The following SPAG5 variants were observed in gnomAD, a reference collection of about 807,000 sequenced individuals.
SPAG5 encodes the protein sperm associated antigen 5.
In SPAG5, 99 loss-of-function variants were observed where a neutral mutation model predicts 145.4. The ratio of observed to expected loss-of-function variants is 0.68; its 90% CI spans 0.58 to 0.80. SPAG5 has a LOEUF of 0.80. Among genes scored for constraint, SPAG5 ranks in the 30% least tolerant of loss-of-function variants. The probability of loss-of-function intolerance (pLI) is 0.00; values close to 1 mark genes in which losing one functional copy is unlikely to be tolerated. For synonymous variants in SPAG5, 477 were observed against 525.4 expected, an observed-to-expected ratio of 0.91 and a Z score of 1.26; for missense variants, 1,192 against 1,416.0, an observed-to-expected ratio of 0.84 and a Z score of 2.54.
chr17:28,587,707 G>A (rs2070594992), intron 4 of SPAG5, among the ~76,000 whole-genome samples: 1 of 114,854 alleles, frequency 8.7e-6, no homozygotes, highest in Non-Finnish European at 1.6e-5. Flanking sequence ...AACAGAGTGA[G>A]ACCTCGTCTC....
At chr17:28,584,784 T>C in intron 10 of SPAG5, 39 bp from the exon 11 acceptor site, 1 of 1,443,732 alleles carries the variant, frequency 6.9e-7, no homozygotes, top group Non-Finnish European at 9.8e-7. Context: ...TAGTTCCTCC[T>C]GAATCAATAA....
chr17:28,592,513 G>C lies in SPAG5; in HGVS notation c.731C>G (p.Ser244Cys). Residue 244 changes from serine to cysteine, a missense_variant, in exon 3 of 24, where the codon TCT (serine) becomes TGT (cysteine). By Grantham distance (112) the Ser-to-Cys change is moderately radical (BLOSUM62 -1). Around this residue, in one of 5 missense-constraint regions of SPAG5, gnomAD observed 329 missense variants for 354.0 expected, o/e 0.93. Transcript: ENST00000321765. ...AGTTGAAGGGGAAAGCCAGAGAACA[G>C]AGGAAGGCAAGAAGGCGTTACTTTC... ...PSESNAFLPS[S>C]VLWLSPSTAL... 1 of 1,614,164 alleles carries C rather than the reference G, an allele frequency of 6.2e-7. No homozygotes were observed. Among genetic ancestry groups the C allele is most frequent in the Non-Finnish European group, 8.5e-7 (1 of 1,180,042 alleles).
chr17:28,581,166 C>A (rs2070546913), intron 15 of SPAG5, among the ~76,000 whole-genome samples: 1 of 152,180 alleles, frequency 6.6e-6, no homozygotes, highest in Non-Finnish European at 1.5e-5. Context: ...ATGGCTGTAT[C>A]ATCTATGGCT....
At chr17:28,583,485 G>A in intron 15 of SPAG5, 26 bp downstream of exon 15, 1 of 1,551,858 alleles carries the variant, frequency 6.4e-7, no homozygotes, top group Non-Finnish European at 8.7e-7. Context: ...AATTGGAAGA[G>A]AAGAGAAGGA....
rs1415457840 is a variant in SPAG5 at position 28,598,624 on chromosome 17, A to G, written c.63T>C (p.Ser21=). The G allele has an allele frequency of 5.0e-6, 8 of 1,600,850 alleles. No individual in the cohort carries two copies. Among genetic ancestry groups the G allele is most frequent in the Admixed American group, 1.7e-5 (1 of 57,894 alleles). The change falls in exon 2 of 24, where the codon TCT becomes TCC. Residue 21 remains serine (S), a synonymous_variant. Coordinates refer to ENST00000321765, the MANE Select transcript of SPAG5 (RefSeq NM_006461.4). Reference sequence around the variant, plus strand: ...TAAGTTCACGGAGAGGAGTTCTCATAGATGGTTTTCCCTGAGAAAGAAACC... The same window carrying G: ...TAAGTTCACGGAGAGGAGTTCTCATGGATGGTTTTCCCTGAGAAAGAAACC... ...LSPSPQTGKP[S]MRTPLRELTL...
At position 28,585,646 on chromosome 17, in the gene SPAG5, A is replaced by T; in HGVS notation, c.1748T>A (p.Ile583Lys). 6 of 1,613,678 alleles carry T rather than the reference A, an allele frequency of 3.7e-6. No individual in the cohort carries two copies. Among genetic ancestry groups the T allele is most frequent in the Non-Finnish European group, 5.1e-6 (6 of 1,180,026 alleles). ...GTGTGCACAGAAAGCCTCCAACACT[A>T]TCTCTGCCTATTGAGGGAAGTGGTT... The part of the protein sequence containing the change: ...MALRGKDAAE[I>K]VLEAFCAHAS... Residue 583 changes from isoleucine (I) to lysine (K), a missense_variant, in exon 8 of 24, where the codon ATA becomes AAA. Coordinates refer to ENST00000321765, the MANE Select transcript of SPAG5 (RefSeq NM_006461.4).
Position 28,583,653 on chromosome 17 carries a change from A to G in SPAG5, c.2547-4T>C. 6.3e-7 allele frequency: 1 copy of G among 1,597,146 alleles called. No individual in the cohort carries two copies. Among genetic ancestry groups the G allele is most frequent in the Non-Finnish European group, 8.5e-7 (1 of 1,174,610 alleles). The stretch of plus-strand genomic sequence containing the variant: ...TATGGTGCTGGCCAGTTTAGCCCTG[A>G]AATAAGGAACAGGGAAGATGACCAA... On this transcript the variant is annotated splice_polypyrimidine_tract_variant and splice_region_variant and intron_variant, in intron 14 of 23. Coordinates refer to ENST00000321765, the MANE Select transcript of SPAG5 (RefSeq NM_006461.4).
At chr17:28,581,014 A>G (rs1013917197) in intron 15 of SPAG5, among the ~76,000 whole-genome samples, 4 of 152,182 alleles carry the variant, frequency 2.6e-5, no homozygotes, top group Admixed American at 1.3e-4. Flanking sequence ...GGAACACCCT[A>G]TCAAAAGTCT....
chr17:28,594,503 G>A (rs1394409560), intron 2 of SPAG5, among the ~76,000 whole-genome samples: 1 of 152,160 alleles, frequency 6.6e-6, no homozygotes, highest in Non-Finnish European at 1.5e-5. Context: ...GCTGAGGCAG[G>A]AGAATGGCGT....
chr17:28,587,344 C>T (rs898612109), intron 4 of SPAG5, among the ~76,000 whole-genome samples: 5 of 151,408 alleles, frequency 3.3e-5, no homozygotes, highest in South Asian at 2.1e-4. Flanking sequence ...GTCGGGAGTT[C>T]GAGACCAGCC....
Position 28,585,118 on chromosome 17 carries a change from A to G in SPAG5, c.2051T>C (p.Ile684Thr). 1.2e-6 allele frequency: 2 copies of G among 1,614,176 alleles called. No individual in the cohort carries two copies. The highest frequency in any genetic ancestry group is 1.7e-6 in the Non-Finnish European group (2 of 1,180,010). Residue 684 changes from isoleucine to threonine, a missense_variant, in exon 10 of 24, where the codon ATT (isoleucine) becomes ACT (threonine). By Grantham distance (89) the Ile-to-Thr change is moderately conservative. Coordinates refer to ENST00000321765, the MANE Select transcript of SPAG5 (RefSeq NM_006461.4). Reference protein sequence around the residue: ...QQALQERDVAIEEKQEVSRVL... With the variant: ...QQALQERDVATEEKQEVSRVL... ...GGTTTGTACCTCCTGCTTTTCCTCA[A>G]TTGCCACATCACGTTCCTGCAGGGC...
Position 28,592,176 on chromosome 17 carries a change from C to T in SPAG5, c.1068G>A (p.Leu356=). 1 of 1,614,168 alleles carries T rather than the reference C, an allele frequency of 6.2e-7. No individual in the cohort carries two copies. Among genetic ancestry groups the T allele is most frequent in the Non-Finnish European group, 8.5e-7 (1 of 1,180,034 alleles). Residue 356 remains leucine, a synonymous_variant, in exon 3 of 24, where the codon CTG becomes CTA. Coordinates refer to ENST00000321765, the MANE Select transcript of SPAG5 (RefSeq NM_006461.4). ...GGGATAAGCTTTGGCGGAGATTTTC[C>T]AGCATGACGGAGGTATTTACACCTT... The part of the protein sequence containing the change: ...LEKGVNTSVM[L]ENLRQSLSLP...
intron 1 of SPAG5, 102 bp downstream of exon 1, chr17:28,598,794 C>G: frequency 2.0e-6 from 3 of 1,528,460 alleles, no homozygotes; most frequent in Non-Finnish European, 2.7e-6. Flanking sequence ...CCACAAGCCC[C>G]CAACCCCGGG....
In SPAG5 at chr17:28,585,542, T is replaced by C; in HGVS notation, c.1852A>G (p.Thr618Ala). 1.2e-6 allele frequency: 2 copies of C among 1,614,020 alleles called. No individual in the cohort carries two copies. ...EFRGLLKDAQ[T>A]QLVGLHAKQE... ...AAATGCCCTTAAATTACCAGTTGGG[T>C]CTGGGCATCCTTCAGAAGGCCTCTG... The change falls in exon 8 of 24, where the codon ACC becomes GCC. Residue 618 changes from threonine to alanine, a missense_variant. Coordinates refer to ENST00000321765, the MANE Select transcript of SPAG5 (RefSeq NM_006461.4).
In SPAG5 at chr17:28,578,062, C is replaced by T. The variant is rs372883758; in HGVS notation, c.3458G>A (p.Arg1153His). Residue 1153 changes from arginine (R) to histidine (H), a missense_variant, in exon 23 of 24, where the codon CGC (arginine) becomes CAC (histidine). By Grantham distance (29) the Arg-to-His change is conservative. Coordinates refer to ENST00000321765, the MANE Select transcript of SPAG5 (RefSeq NM_006461.4). ...TAGTTTTTCTAACTCCTTGTCAGAG[C>T]GCCGAAGGTTCTCCTCTAGGATATT... ...HRNILEENLR[R>H]SDKELEKLDD... 1.9e-5 allele frequency: 31 copies of T among 1,613,940 alleles called. No homozygotes were observed. Among genetic ancestry groups the T allele is most frequent in the African/African-American group, 2.7e-5 (2 of 74,886 alleles).
chr17:28,580,132 G>T lies in SPAG5; in HGVS notation c.2686-12C>A. On this transcript the variant is annotated splice_polypyrimidine_tract_variant and intron_variant, in intron 15 of 23. Transcript: ENST00000321765. Reference sequence around the variant, plus strand: ...GTCTCTTGTTCAGTCTAAGGGCAAAGAAGAAAAAATAGCTGCTGTTCAGGT... The same window carrying T: ...GTCTCTTGTTCAGTCTAAGGGCAAATAAGAAAAAATAGCTGCTGTTCAGGT... 1 of 1,592,370 alleles carries T rather than the reference G, an allele frequency of 6.3e-7. No homozygotes were observed. The highest frequency in any genetic ancestry group is 1.1e-5 in the South Asian group (1 of 89,296).
chr17:28,580,007 A>G lies in SPAG5; in HGVS notation c.2797+2T>C, dbSNP rs1347589931. On this transcript the variant is annotated splice_donor_variant, in intron 16 of 23. Coordinates refer to ENST00000321765, the MANE Select transcript of SPAG5 (RefSeq NM_006461.4). LOFTEE classifies it high-confidence loss of function. ...CCACCCCCAAATCCCAGGGCCTTTA[A>G]CCTTCATCTGCCACTGCTGTCAAGA... is the stretch of plus-strand genomic sequence containing the variant. 40 of 1,611,634 alleles carry G rather than the reference A, an allele frequency of 2.5e-5. No individual in the cohort carries two copies. The highest frequency in any genetic ancestry group is 3.3e-5 in the Non-Finnish European group (39 of 1,178,340).
chr17:28,595,271 A>G (rs2070655317), intron 2 of SPAG5, among the ~76,000 whole-genome samples: 1 of 151,848 alleles, frequency 6.6e-6, no homozygotes, highest in Non-Finnish European at 1.5e-5. Flanking sequence ...AAAAAAAAAA[A>G]AAAGACAATA....
rs368433826 is a variant in SPAG5, at chr17:28,585,850, G to A, written c.1740+14C>T. ...AAACCTCCCACATCCAAGAACAAATGCCTGTCACCTTACCGCATCCTTGCC... is the reference window on the plus strand; with the variant it reads ...AAACCTCCCACATCCAAGAACAAATACCTGTCACCTTACCGCATCCTTGCC... On this transcript the variant is annotated intron_variant, in intron 7 of 23. Transcript: ENST00000321765. 5.6e-5 allele frequency: 91 copies of A among 1,614,040 alleles called. No homozygotes were observed. Among genetic ancestry groups the A allele is most frequent in the Non-Finnish European group, 7.1e-5 (84 of 1,180,046 alleles).
Sources: allele counts gnomAD v4.1 joint callset (sites outside exome capture counted in the v4.1 genomes callset), GRCh38; gene constraint gnomAD v4.1.1; regional missense constraint gnomAD v4.1.1; transcripts MANE v1.5; gene names NCBI Gene and HGNC (gene_info 2026-07-23, HGNC 2026-07-21).